Variants in ICA1 observed in about 807,000 individuals in gnomAD.
ICA1 encodes the protein 69 kDa islet cell autoantigen.
ICA1 carries 40 observed loss-of-function variants against 71.0 expected under a neutral mutation model. That is an observed-to-expected ratio of 0.56 (90% confidence interval 0.44 to 0.73). The LOEUF (loss-of-function observed/expected upper bound fraction) is 0.73. Ranked by LOEUF, ICA1 falls within the 30% of genes least tolerant of loss-of-function variation. The pLI is 0.00. For synonymous variants in ICA1, 207 were observed against 209.5 expected, an observed-to-expected ratio of 0.99 and a Z score of 0.10; for missense variants, 578 against 576.5, an observed-to-expected ratio of 1.00 and a Z score of -0.03.
rs557491657 is a variant in ICA1 at position 8,222,389 on chromosome 7, A to G, written c.257-991T>C. 6.6e-6 allele frequency among the ~76,000 whole-genome samples: 1 copy of G among 152,296 alleles called. No individual in the cohort carries two copies. Among genetic ancestry groups the G allele is most frequent in the Non-Finnish European group, 1.5e-5 (1 of 68,024 alleles). On this transcript the variant is annotated intron_variant, in intron 4 of 13. Coordinates refer to ENST00000402384, the MANE Select transcript of ICA1 (RefSeq NM_001136020.3). This position sits in a 1 kb window ranked among gnomAD's most constrained non-coding sequence, Gnocchi z 4.8. Reference sequence around the variant, plus strand: ...CAGCATTTACTATCAACATACTTTGAACACTACTTTTATTTCCTATTTCTG... The same window carrying G: ...CAGCATTTACTATCAACATACTTTGGACACTACTTTTATTTCCTATTTCTG...
intron 13 of ICA1, 103 bp from the exon 14 acceptor site, chr7:8,114,147 C>A: frequency 7.9e-7 from 1 of 1,261,698 alleles, no homozygotes; most frequent in South Asian, 1.2e-5. Flanking sequence ...GCAGATTGTT[C>A]AATCAGACAA....
intron 12 of ICA1, among the ~76,000 whole-genome samples, chr7:8,129,830 T>C (rs1790751503): frequency 6.6e-6 from 1 of 151,678 alleles, no homozygotes; most frequent in Admixed American, 6.6e-5. Context: ...ATTAGGTATA[T>C]CTCCTAATGG....
At chr7:8,196,035 A>C (rs1163003488) in intron 6 of ICA1, among the ~76,000 whole-genome samples, 1 of 152,166 alleles carries the variant, frequency 6.6e-6, no homozygotes, top group Non-Finnish European at 1.5e-5. Context: ...AACAACAAAA[A>C]ATTCCACATA....
intron 6 of ICA1, among the ~76,000 whole-genome samples, chr7:8,186,092 C>T (rs568484779): frequency 2.6e-5 from 4 of 152,190 alleles, no homozygotes; most frequent in Admixed American, 6.5e-5. Context: ...GAGGAAGTAA[C>T]ATTTGAATGG....
Position 8,235,930 on chromosome 7 carries a change from T to C in ICA1, c.-4A>G. On this transcript the variant is annotated 5_prime_UTR_variant, in exon 2 of 14. Transcript: ENST00000402384. ...CTTACCATTTGTGTCCTGACATGTT[T>C]TCTTCTTCTTCTATTGTTGATGATT... The C allele has an allele frequency of 6.2e-7, 1 of 1,612,394 alleles. No homozygotes were observed. The highest frequency in any genetic ancestry group is 8.5e-7 in the Non-Finnish European group (1 of 1,179,022).
At chr7:8,117,990 C>G (rs1785322730) in intron 13 of ICA1, among the ~76,000 whole-genome samples, 1 of 152,196 alleles carries the variant, frequency 6.6e-6, no homozygotes, top group South Asian at 2.1e-4. Context: ...TATTATTCAT[C>G]TTTATATCCT....
intron 1 of ICA1, chr7:8,236,836 C>G (rs1461287070): frequency 1.3e-5 from 2 of 152,442 alleles, no homozygotes; most frequent in Non-Finnish European, 2.9e-5. Flanking sequence ...GAACAGAAAG[C>G]TCACTACTCA....
intron 6 of ICA1, among the ~76,000 whole-genome samples, chr7:8,211,701 C>T (rs935547014): frequency 2.0e-5 from 3 of 152,160 alleles, no homozygotes; most frequent in African/African-American, 7.2e-5. Flanking sequence ...TTTCTTTTTA[C>T]CACAATTAAA....
chr7:8,140,309 C>T (rs1018724357), intron 10 of ICA1, among the ~76,000 whole-genome samples: 1 of 152,192 alleles, frequency 6.6e-6, no homozygotes, highest in African/African-American at 2.4e-5. Context: ...CTTTCTCCTC[C>T]TGCCACTCGC....
chr7:8,236,826 G>A (rs1801986014), intron 1 of ICA1: 1 of 152,510 alleles, frequency 6.6e-6, no homozygotes, highest in Non-Finnish European at 1.5e-5. Flanking sequence ...TTACTGGAAA[G>A]AACAGAAAGC....
At chr7:8,231,610 A>G (rs1279699633) in intron 3 of ICA1, among the ~76,000 whole-genome samples, 1 of 152,198 alleles carries the variant, frequency 6.6e-6, no homozygotes, top group African/African-American at 2.4e-5. Context: ...TCCTAAAGTT[A>G]CAGCAGATAG....
At chr7:8,237,144 C>T (rs1232379359) in intron 1 of ICA1, among the ~76,000 whole-genome samples, 2 of 152,158 alleles carry the variant, frequency 1.3e-5, no homozygotes, top group South Asian at 2.1e-4. Flanking sequence ...CTGCAGTGAA[C>T]ATCTCTCTTC....
At chr7:8,204,265 A>C (rs1044404568) in intron 6 of ICA1, among the ~76,000 whole-genome samples, 1 of 152,214 alleles carries the variant, frequency 6.6e-6, no homozygotes, top group African/African-American at 2.4e-5. Flanking sequence ...ATCGGATTGT[A>C]GTAATATGGG....
chr7:8,210,890 G>C (rs1186945417), intron 6 of ICA1, among the ~76,000 whole-genome samples: 2 of 152,114 alleles, frequency 1.3e-5, no homozygotes, highest in African/African-American at 2.4e-5. Context: ...AAATTTTAAA[G>C]CAAAATGTTC....
intron 5 of ICA1, among the ~76,000 whole-genome samples, chr7:8,220,910 G>A (rs1306827663): frequency 6.6e-6 from 1 of 151,980 alleles, no homozygotes; most frequent in Non-Finnish European, 1.5e-5. Flanking sequence ...CTTCAACCTG[G>A]TCTCATTAGG....
intron 7 of ICA1, among the ~76,000 whole-genome samples, chr7:8,158,124 T>C (rs959394786): frequency 2.6e-5 from 4 of 152,172 alleles, no homozygotes; most frequent in Admixed American, 1.3e-4. Flanking sequence ...AAACAATGCA[T>C]TGAATACTGA....
intron 6 of ICA1, among the ~76,000 whole-genome samples, chr7:8,178,516 G>A (rs1274736331): frequency 2.0e-5 from 3 of 151,474 alleles, no homozygotes; most frequent in Non-Finnish European, 2.9e-5. Context: ...CTTGTGCTTT[G>A]GGTCTGTAGC....
intron 3 of ICA1, among the ~76,000 whole-genome samples, chr7:8,231,177 C>T (rs940151289): frequency 6.6e-6 from 1 of 152,076 alleles, no homozygotes; most frequent in Non-Finnish European, 1.5e-5. Flanking sequence ...TGTGGGGAAA[C>T]AGTGTCCAGG....
At position 8,157,038 on chromosome 7, in the gene ICA1, T is replaced by G. The variant is rs1402381146; in HGVS notation, c.804+78A>C. ...TGAGTCCTGGAATAATGATGCTTTC[T>G]GCAATGGACTTTGCTTGTGATATAA... On this transcript the variant is annotated intron_variant, in intron 8 of 13. Coordinates refer to ENST00000402384, the MANE Select transcript of ICA1 (RefSeq NM_001136020.3). The G allele has an allele frequency of 2.5e-6, 4 of 1,612,166 alleles. No individual in the cohort carries two copies. In the East Asian group the frequency reaches 8.9e-5, roughly 36 times the overall value.
Sources: gnomAD v4.1 joint callset for allele counts (sites outside exome capture counted in the v4.1 genomes callset) on GRCh38, gnomAD v4.1.1 for gene constraint, Gnocchi (gnomAD v3.1) non-coding constraint, MANE v1.5 for transcripts, NCBI Gene and HGNC (gene_info 2026-07-23, HGNC 2026-07-21) for gene names.